The following TSC22D1 variants were observed in gnomAD, a reference collection of about 807,000 sequenced individuals.
TSC22D1 encodes the protein TSC22 domain family member 1, also known as TSC22 domain family protein 1.
TSC22D1 carries 9 observed loss-of-function variants against 74.2 expected under a neutral mutation model. The ratio of observed to expected loss-of-function variants is 0.12; its 90% CI spans 0.07 to 0.21. The LOEUF (loss-of-function observed/expected upper bound fraction) is 0.21. Ranked by LOEUF, TSC22D1 falls within the 10% of genes least tolerant of loss-of-function variation. The pLI is 1.00. For synonymous variants in TSC22D1, 586 were observed against 492.5 expected, an observed-to-expected ratio of 1.19 and a Z score of -2.51; for missense variants, 1,427 against 1,304.7, an observed-to-expected ratio of 1.09 and a Z score of -1.44.
intron 1 of TSC22D1, among the ~76,000 whole-genome samples, chr13:44,568,751 A>T (rs1349138237): frequency 6.6e-6 from 1 of 152,200 alleles, no homozygotes; most frequent in Admixed American, 6.5e-5. Flanking sequence ...AGAGCCCAAA[A>T]CATACAAAAA....
chr13:44,459,874 A>T (rs965550877), intron 1 of TSC22D1, among the ~76,000 whole-genome samples: 5 of 152,122 alleles, frequency 3.3e-5, no homozygotes, highest in African/African-American at 1.2e-4. Flanking sequence ...CGTTTCACAC[A>T]CCCCTTGCCA....
intron 1 of TSC22D1, among the ~76,000 whole-genome samples, chr13:44,521,459 T>C (rs1880312209): frequency 6.6e-6 from 1 of 152,104 alleles, no homozygotes; most frequent in Non-Finnish European, 1.5e-5. Context: ...CTCCTCCCCT[T>C]CATCTCTCTT....
chr13:44,536,559 T>C (rs1295686408), intron 1 of TSC22D1, among the ~76,000 whole-genome samples: 4 of 151,876 alleles, frequency 2.6e-5, no homozygotes, highest in African/African-American at 7.2e-5. Flanking sequence ...ATACAAAACA[T>C]TTTTCATTTC....
chr13:44,454,928 TA>T (rs957993754), intron 1 of TSC22D1, among the ~76,000 whole-genome samples: 2 of 152,180 alleles, frequency 1.3e-5, no homozygotes, highest in African/African-American at 4.8e-5. Context: ...AGTTTTTTTT[TA>T]AAATAATAAA....
chr13:44,538,335 A>G (rs1285603285), intron 1 of TSC22D1: 1 of 985,258 alleles, frequency 1.0e-6, no homozygotes, highest in Non-Finnish European at 1.2e-6. Flanking sequence ...AGATGAGCTA[A>G]AAGAGTATAT....
chr13:44,481,454 A>C (rs991543185), intron 1 of TSC22D1, among the ~76,000 whole-genome samples: 1 of 152,252 alleles, frequency 6.6e-6, no homozygotes, highest in Non-Finnish European at 1.5e-5. Flanking sequence ...GCAAAGTCCC[A>C]GAGAACACAG....
chr13:44,561,624 C>T (rs1049738721), intron 1 of TSC22D1, among the ~76,000 whole-genome samples: 1 of 152,184 alleles, frequency 6.6e-6, no homozygotes, highest in African/African-American at 2.4e-5. Flanking sequence ...TCAAACTCCT[C>T]CTCAAGCATG....
rs781173305 is a variant in TSC22D1 at position 44,435,157 on chromosome 13, CG to C, written c.2965-275del. ...AGGCTTCCTGAGACTGGGCCAGAGCCGGGCGCTGGGTCCCCGACTGAGACCA... is the reference window on the plus strand; with the variant it reads ...AGGCTTCCTGAGACTGGGCCAGAGCCGGCGCTGGGTCCCCGACTGAGACCA... On this transcript the variant is annotated intron_variant, in intron 2 of 2. Coordinates refer to ENST00000458659, the MANE Select transcript of TSC22D1 (RefSeq NM_183422.4). The C allele has an allele frequency of 5.3e-5, 18 of 342,014 alleles. No homozygotes were observed. The South Asian group carries it at 6.6e-4, about 12-fold the overall frequency. 21.2% of individuals were successfully genotyped at this position (342,014 alleles called of 1,614,324 possible). A position where few individuals can be genotyped will look rare whatever the true frequency, so the allele number is the denominator to read the frequency against.
At chr13:44,539,091 G>C in intron 1 of TSC22D1, 1 of 985,222 alleles carries the variant, frequency 1.0e-6, no homozygotes, top group Non-Finnish European at 1.2e-6. Context: ...ATGCCATGGG[G>C]GAAATCTAGG....
intron 1 of TSC22D1, among the ~76,000 whole-genome samples, chr13:44,570,496 A>T (rs1307922706): frequency 1.3e-5 from 2 of 152,146 alleles, no homozygotes; most frequent in Non-Finnish European, 2.9e-5. Flanking sequence ...ACGGCCTGAC[A>T]TTAAGACCTT....
At chr13:44,567,920 T>A (rs370869397) in intron 1 of TSC22D1, among the ~76,000 whole-genome samples, 208 of 151,846 alleles carry the variant, frequency 1.4e-3, no homozygotes, top group African/African-American at 4.2e-3. Context: ...ACTGGAAACA[T>A]AAAATCTTAT....
At chr13:44,473,330 A>G in intron 1 of TSC22D1, among the ~76,000 whole-genome samples, 1 of 152,000 alleles carries the variant, frequency 6.6e-6, no homozygotes, top group Admixed American at 6.6e-5. Flanking sequence ...ACCCATCTCT[A>G]CAAAAAATAC....
In TSC22D1 at chr13:44,575,839, G is replaced by A. The variant is rs761839804; in HGVS notation, c.236C>T (p.Pro79Leu). ...GAGGTTCAGGCTTTGTGGAGGCGGA[G>A]GCTGTGGTCCCGACGTAGAAGATGC... Reference protein sequence around the residue: ...PAASSTSGPQPPPPQSLNLLS... With the variant: ...PAASSTSGPQLPPPQSLNLLS... Residue 79 changes from proline to leucine, a missense_variant, in exon 1 of 3, where the codon CCT becomes CTT. Physicochemically the swap from Pro to Leu is moderately conservative, Grantham distance 98 (BLOSUM62 -3). Coordinates refer to ENST00000458659, the MANE Select transcript of TSC22D1 (RefSeq NM_183422.4). 4.3e-6 allele frequency: 7 copies of A among 1,614,154 alleles called. No individual in the cohort carries two copies. In the Admixed American group the frequency reaches 1.0e-4, roughly 23 times the overall value.
intron 1 of TSC22D1, chr13:44,451,442 A>C (rs1364617155): frequency 6.6e-6 from 1 of 151,676 alleles, no homozygotes; most frequent in Admixed American, 6.6e-5. Flanking sequence ...GAGAAGAGAG[A>C]GCTTTGATTC....
At chr13:44,507,387 A>G (rs1879493446) in intron 1 of TSC22D1, among the ~76,000 whole-genome samples, 1 of 152,182 alleles carries the variant, frequency 6.6e-6, no homozygotes, top group Admixed American at 6.5e-5. Context: ...TCAGAGTAAT[A>G]CATTATACTG....
intron 1 of TSC22D1, among the ~76,000 whole-genome samples, chr13:44,477,390 A>G (rs1877968363): frequency 1.3e-5 from 2 of 152,238 alleles, no homozygotes; most frequent in Non-Finnish European, 2.9e-5. Context: ...ATAAAATACA[A>G]TCACTGCAAA....
chr13:44,564,384 A>C (rs866036613), intron 1 of TSC22D1, among the ~76,000 whole-genome samples: 1 of 152,210 alleles, frequency 6.6e-6, no homozygotes, highest in Non-Finnish European at 1.5e-5. Context: ...GAAAAGAACA[A>C]GGTGCTATTA....
rs1017660143 is a variant in TSC22D1 at position 44,534,083 on chromosome 13, C to T, written c.2912+39080G>A. ...CTCTGCAAAAACATACAAAAATTAGCTGGGTATGGTGGTGCATACCTATAG... is the reference window on the plus strand; with the variant it reads ...CTCTGCAAAAACATACAAAAATTAGTTGGGTATGGTGGTGCATACCTATAG... On this transcript the variant is annotated intron_variant, in intron 1 of 2. Transcript: ENST00000458659. Among the ~76,000 whole-genome samples the T allele has an allele frequency of 1.8e-4, 28 of 151,898 alleles. 1 individual carries two copies. The highest frequency in any genetic ancestry group is 4.4e-5 in the Non-Finnish European group (3 of 67,968).
chr13:44,486,613 C>T (rs1172632419), intron 1 of TSC22D1, among the ~76,000 whole-genome samples: 1 of 152,116 alleles, frequency 6.6e-6, no homozygotes, highest in Non-Finnish European at 1.5e-5. Context: ...ACTGAATGGA[C>T]ACATAGAGAA....
Sources: allele counts gnomAD v4.1 joint callset (sites outside exome capture counted in the v4.1 genomes callset), GRCh38; gene constraint gnomAD v4.1.1; transcripts MANE v1.5; gene names NCBI Gene and HGNC (gene_info 2026-07-23, HGNC 2026-07-21).